THEMIS: variants seen among roughly 807,000 people sequenced by gnomAD.
The protein encoded by THEMIS is thymocyte selection associated, also known as protein THEMIS.
Under a neutral mutation model 52.6 loss-of-function variants are expected in THEMIS, and 37 were observed. That is an observed-to-expected ratio of 0.70 (90% CI 0.54 to 0.93). The LOEUF (loss-of-function observed/expected upper bound fraction) is 0.93, where lower values mean the gene tolerates loss of function less well. Ranked by LOEUF, THEMIS falls within the 40% of genes least tolerant of loss-of-function variation. THEMIS has a pLI of 0.00. For missense variants in THEMIS, 808 were observed against 763.1 expected (o/e 1.06, Z -0.69); for synonymous variants, 292 against 272.7 (o/e 1.07, Z -0.70).
rs779613898 is a variant in THEMIS at position 127,813,760 on chromosome 6, T to C, written c.881A>G (p.Asn294Ser). ...VTEVIEAPEGNHLPQSILQPG... is the reference protein window; with the variant it reads ...VTEVIEAPEGSHLPQSILQPG... ...CTGTAAAATGCTTTGGGGCAGGTGGTTTCCTTCAGGTGCTTCTATGACTTC... is the reference window on the plus strand; with the variant it reads ...CTGTAAAATGCTTTGGGGCAGGTGGCTTCCTTCAGGTGCTTCTATGACTTC... Residue 294 changes from asparagine (N) to serine (S), a missense_variant, in exon 4 of 6, where the codon AAC becomes AGC. Physicochemically the swap from Asn to Ser is conservative, Grantham distance 46 (BLOSUM62 1). Coordinates refer to ENST00000368248, the MANE Select transcript of THEMIS (RefSeq NM_001010923.3). 6.2e-7 allele frequency: 1 copy of C among 1,613,872 alleles called. No homozygotes were observed. Among genetic ancestry groups the C allele is most frequent in the Non-Finnish European group, 8.5e-7 (1 of 1,179,928 alleles).
intron 2 of THEMIS, among the ~76,000 whole-genome samples, chr6:127,839,340 T>A (rs143694706): frequency 1.7e-3 from 260 of 152,250 alleles, no homozygotes; most frequent in Non-Finnish European, 3.0e-3. Context: ...AAATTATAAC[T>A]ATATGTATTC....
Position 127,911,446 on chromosome 6 carries a change from C to T in THEMIS, c.-150+6982G>A, listed in dbSNP as rs1398706867. On this transcript the variant is annotated intron_variant, in intron 1 of 6. Transcript: ENST00000368250. ...ATATATATCCATGAATATTTTATAC[C>T]TATCCATGGATATATATTTTATACT... is the stretch of plus-strand genomic sequence containing the variant. 2.7e-5 allele frequency among the ~76,000 whole-genome samples: 4 copies of T among 150,452 alleles called. 1 individual carries two copies. The highest frequency in any genetic ancestry group is 6.9e-3 in the Middle Eastern group (2 of 290).
intron 1 of THEMIS, among the ~76,000 whole-genome samples, chr6:127,896,199 C>A (rs991312060): frequency 2.2e-4 from 33 of 151,218 alleles, no homozygotes; most frequent in Non-Finnish European, 1.0e-4. Flanking sequence ...GAAAATTGCT[C>A]TCAGTGGTCA....
chr6:127,789,473 T>C (rs1456672854), intron 4 of THEMIS, among the ~76,000 whole-genome samples: 3 of 152,188 alleles, frequency 2.0e-5, no homozygotes, highest in Non-Finnish European at 2.9e-5. Flanking sequence ...CCATTCTTTA[T>C]GAAACTATTC....
At chr6:127,822,826 G>A (rs1431983093) in intron 3 of THEMIS, among the ~76,000 whole-genome samples, 2 of 152,024 alleles carry the variant, frequency 1.3e-5, no homozygotes, top group Admixed American at 1.3e-4. Context: ...GTGGTCTTAA[G>A]AGCAAAAACT....
chr6:127,783,264 T>G (rs1409558872), intron 4 of THEMIS, among the ~76,000 whole-genome samples: 1 of 152,154 alleles, frequency 6.6e-6, no homozygotes, highest in East Asian at 1.9e-4. Flanking sequence ...ACTTAAATAT[T>G]AGACCTAAAA....
chr6:127,819,743 G>A (rs1008692647), intron 3 of THEMIS, among the ~76,000 whole-genome samples: 17 of 151,936 alleles, frequency 1.1e-4, no homozygotes, highest in African/African-American at 3.6e-4. Context: ...AACAATTCAG[G>A]GAATTTGTCA....
At chr6:127,890,930 G>C (rs34826338) in intron 1 of THEMIS, among the ~76,000 whole-genome samples, 3,593 of 151,926 alleles carry the variant, frequency 0.024, 64 homozygotes, top group South Asian at 0.045. Context: ...AAATTGATGA[G>C]GTTTTTGATC....
At chr6:127,702,874 C>G in the THEMIS span, among the ~76,000 whole-genome samples, 24 of 152,048 alleles carry the variant, frequency 1.6e-4, no homozygotes, top group African/African-American at 5.8e-4. Flanking sequence ...TATTCACTCT[C>G]ACGAGAACAG....
chr6:127,800,103 C>A (rs1451213739), intron 4 of THEMIS, among the ~76,000 whole-genome samples: 2 of 152,044 alleles, frequency 1.3e-5, no homozygotes, highest in Non-Finnish European at 2.9e-5. Context: ...TGTTGATGAG[C>A]TTTTTCTCAT....
chr6:127,913,839 A>G (rs1279873818), intron 1 of THEMIS, among the ~76,000 whole-genome samples: 1 of 152,230 alleles, frequency 6.6e-6, no homozygotes, highest in Non-Finnish European at 1.5e-5. Context: ...GGAAATGATG[A>G]TCAAGGACTG....
intron 4 of THEMIS, among the ~76,000 whole-genome samples, chr6:127,770,892 CTTGTTT>C (rs1418642267): frequency 6.6e-6 from 1 of 152,106 alleles, no homozygotes; most frequent in African/African-American, 2.4e-5. Context: ...TTCTCTATTG[CTTGTTT>C]TTGTTAGGTT....
chr6:127,705,055 C>G (rs939345822), downstream of THEMIS, among the ~76,000 whole-genome samples: 1 of 152,156 alleles, frequency 6.6e-6, no homozygotes, highest in Non-Finnish European at 1.5e-5. Context: ...AAATGGCCTG[C>G]AATCAAGATA....
intron 2 of THEMIS, among the ~76,000 whole-genome samples, chr6:127,840,859 T>C (rs1020494138): frequency 2.0e-5 from 3 of 152,038 alleles, no homozygotes; most frequent in Non-Finnish European, 4.4e-5. Context: ...AAAGGCTACA[T>C]ACTATATGAT....
intron 4 of THEMIS, among the ~76,000 whole-genome samples, chr6:127,740,690 GAGA>G (rs1407057564): frequency 2.6e-5 from 4 of 152,226 alleles, no homozygotes; most frequent in Non-Finnish European, 4.4e-5. Context: ...AATAGCTGTG[GAGA>G]AGAAGAGAAT....
rs952724157 is a variant in THEMIS at position 127,874,112 on chromosome 6, C to T, written c.92-18924G>A. The stretch of plus-strand genomic sequence containing the variant: ...AGCACTATGATGGAACGTTTGTACA[C>T]GAGAATGAGCTCACTTTTTACTGCA... On this transcript the variant is annotated intron_variant, in intron 1 of 5. Transcript: ENST00000368248. Among the ~76,000 whole-genome samples the T allele has an allele frequency of 6.6e-5, 10 of 152,140 alleles. No homozygotes were observed. In the East Asian group the frequency reaches 1.2e-3, roughly 18 times the overall value.
chr6:127,795,265 C>A (rs1458369506), intron 4 of THEMIS, among the ~76,000 whole-genome samples: 1 of 152,146 alleles, frequency 6.6e-6, no homozygotes. Flanking sequence ...CATAAAAATT[C>A]AAATTCTCCC....
chr6:127,747,693 A>C (rs903712923), intron 4 of THEMIS, among the ~76,000 whole-genome samples: 1 of 151,984 alleles, frequency 6.6e-6, no homozygotes, highest in Non-Finnish European at 1.5e-5. Context: ...GTTATTTTTA[A>C]AAATATAGTG....
At chr6:127,744,159 C>T (rs1465863435) in intron 4 of THEMIS, among the ~76,000 whole-genome samples, 5 of 151,992 alleles carry the variant, frequency 3.3e-5, no homozygotes, top group African/African-American at 1.2e-4. Flanking sequence ...CAGAGTCTGG[C>T]CACTTTGTTC....
Sources: allele counts gnomAD v4.1 joint callset (sites outside exome capture counted in the v4.1 genomes callset), GRCh38; gene constraint gnomAD v4.1.1; transcripts MANE v1.5; gene names NCBI Gene and HGNC (gene_info 2026-07-23, HGNC 2026-07-21).